Variants in DOCK2 observed in about 807,000 individuals in gnomAD.
The protein encoded by DOCK2 is dedicator of cytokinesis 2, also known as dedicator of cytokinesis protein 2.
In DOCK2, 87 loss-of-function variants were observed where a neutral mutation model predicts 248.9. That is an observed-to-expected ratio of 0.35 (90% confidence interval 0.29 to 0.42). The LOEUF (loss-of-function observed/expected upper bound fraction) is 0.42, where lower values mean the gene tolerates loss of function less well. Among genes scored for constraint, DOCK2 ranks in the 10% least tolerant of loss-of-function variants. DOCK2 has a pLI of 1.00. For synonymous variants in DOCK2, 805 were observed against 821.6 expected (o/e 0.98, Z 0.35); for missense variants, 1,747 against 2,300.2 (o/e 0.76, Z 4.92).
In DOCK2 at chr5:169,959,693, T is replaced by G. The variant is rs185761977; in HGVS notation, c.2800-23375T>G. 1.4e-3 allele frequency among the ~76,000 whole-genome samples: 206 copies of G among 152,344 alleles called. 2 individuals carry two copies. The highest frequency in any genetic ancestry group is 2.1e-4 in the Non-Finnish European group (14 of 68,028). ...TCCGTCCAGTTCTCAGGTCTCCAAC[T>G]GTGTGTTACTTGGCCTTGACTAGAT... On this transcript the variant is annotated intron_variant, in intron 27 of 51. Transcript: ENST00000520908.
intron 14 of DOCK2, among the ~76,000 whole-genome samples, chr5:169,704,759 ATG>A (rs56289708): frequency 0.035 from 4,917 of 139,874 alleles, 72 homozygotes; most frequent in African/African-American, 0.039. Context: ...CTCCATATAT[ATG>A]TGTGTGTGTG....
intron 27 of DOCK2, among the ~76,000 whole-genome samples, chr5:169,873,084 C>T (rs755178641): frequency 6.6e-6 from 1 of 152,154 alleles, no homozygotes; most frequent in Non-Finnish European, 1.5e-5. Flanking sequence ...ATATTCAACT[C>T]GTGTAATTTT....
At chr5:169,934,558 CACACCTGGATCT>C (rs1775899500) in intron 27 of DOCK2, 1 of 445,442 alleles carries the variant, frequency 2.2e-6, no homozygotes, top group Non-Finnish European at 4.5e-6. Context: ...TACATTCACA[CACACCTGGATCT>C]AAATCCTGCT....
intron 8 of DOCK2, among the ~76,000 whole-genome samples, chr5:169,686,238 A>G (rs1759972480): frequency 6.6e-6 from 1 of 152,212 alleles, no homozygotes; most frequent in African/African-American, 2.4e-5. Flanking sequence ...TATGGGGCCT[A>G]TGACACACAG....
chr5:169,805,440 C>A (rs1416915806), intron 26 of DOCK2, among the ~76,000 whole-genome samples: 4 of 152,152 alleles, frequency 2.6e-5, no homozygotes. Context: ...TGTTGAAAAG[C>A]CAATCCACAG....
chr5:169,906,487 TTA>T (rs2113603680), intron 27 of DOCK2, among the ~76,000 whole-genome samples: 1 of 151,814 alleles, frequency 6.6e-6, no homozygotes, highest in South Asian at 2.1e-4. Context: ...TTTTGTTACG[TTA>T]TGTTATGTTA....
Position 170,056,753 on chromosome 5 carries a change from A to G in DOCK2, c.4365A>G (p.Pro1455=), listed in dbSNP as rs1262717287. ...CCGTGCGCAGGGGGACCGTAGACCC[A>G]GAGAATGAGTTTGCTGTGAGTATCT... The part of the protein sequence containing the change: ...SRPVRRGTVD[P]ENEFASMWIE... Residue 1455 remains proline (P), a synonymous_variant, in exon 43 of 52, where the codon CCA becomes CCG. Transcript: ENST00000520908. The G allele has an allele frequency of 6.2e-7, 1 of 1,614,026 alleles. No individual in the cohort carries two copies. The highest frequency in any genetic ancestry group is 1.1e-5 in the South Asian group (1 of 91,052).
intron 27 of DOCK2, among the ~76,000 whole-genome samples, chr5:169,858,301 G>C (rs543916952): frequency 1.3e-5 from 2 of 152,284 alleles, no homozygotes; most frequent in Admixed American, 1.3e-4. Context: ...CTTGTGCCAG[G>C]CAAATGTCTA....
chr5:170,045,021 C>T (rs1378354959), intron 38 of DOCK2, among the ~76,000 whole-genome samples: 3 of 152,100 alleles, frequency 2.0e-5, no homozygotes, highest in Admixed American at 6.5e-5. Context: ...GAAGAATTAT[C>T]CACTATGTCT....
intron 1 of DOCK2, among the ~76,000 whole-genome samples, chr5:169,640,581 T>G (rs2113077597): frequency 6.6e-6 from 1 of 152,340 alleles, no homozygotes; most frequent in Middle Eastern, 3.4e-3. Context: ...AATAAAGGTT[T>G]AGAGAAGTAG....
At chr5:170,051,623 A>C (rs531325871) in intron 41 of DOCK2, among the ~76,000 whole-genome samples, 12 of 152,238 alleles carry the variant, frequency 7.9e-5, no homozygotes, top group Admixed American at 2.0e-4. Flanking sequence ...TCAATTTGCC[A>C]TTATCTCTGG....
chr5:169,879,406 C>T (rs558739151), intron 27 of DOCK2, among the ~76,000 whole-genome samples: 1 of 152,292 alleles, frequency 6.6e-6, no homozygotes, highest in East Asian at 1.9e-4. Context: ...ACTGTTACTA[C>T]GATGGGGCTG....
intron 26 of DOCK2, among the ~76,000 whole-genome samples, chr5:169,826,777 A>T (rs688881): frequency 6.6e-6 from 1 of 151,920 alleles, no homozygotes; most frequent in African/African-American, 2.4e-5. Flanking sequence ...ACTATGTTGC[A>T]TGTTTCTCCC....
chr5:169,838,274 C>T (rs1016256939), intron 26 of DOCK2, among the ~76,000 whole-genome samples: 1 of 152,174 alleles, frequency 6.6e-6, no homozygotes, highest in Non-Finnish European at 1.5e-5. Flanking sequence ...GGAGAATACT[C>T]TGGAGACAGG....
chr5:169,944,923 C>T (rs1459994947), intron 27 of DOCK2, among the ~76,000 whole-genome samples: 1 of 152,208 alleles, frequency 6.6e-6, no homozygotes, highest in African/African-American at 2.4e-5. Context: ...TTGTCTGCTA[C>T]ATGTTCTAAC....
chr5:169,878,760 G>T (rs1772468679), intron 27 of DOCK2, among the ~76,000 whole-genome samples: 1 of 152,210 alleles, frequency 6.6e-6, no homozygotes, highest in Non-Finnish European at 1.5e-5. Flanking sequence ...ATGCTAAGGA[G>T]AAGTGAAGGG....
chr5:170,023,696 C>T (rs2113826465), intron 33 of DOCK2, among the ~76,000 whole-genome samples: 1 of 152,278 alleles, frequency 6.6e-6, no homozygotes, highest in African/African-American at 2.4e-5. Context: ...AGGTTCCTCC[C>T]AACTCTACTT....
chr5:169,979,156 C>T (rs1025188293), intron 27 of DOCK2, among the ~76,000 whole-genome samples: 3 of 152,250 alleles, frequency 2.0e-5, no homozygotes, highest in South Asian at 4.1e-4. Context: ...TCCCTCCACC[C>T]CTCTGTTCCC....
chr5:169,785,679 G>A (rs923284113), intron 25 of DOCK2, among the ~76,000 whole-genome samples: 2 of 152,122 alleles, frequency 1.3e-5, no homozygotes, highest in African/African-American at 4.8e-5. Flanking sequence ...TTTCTTCTTA[G>A]CTATGATTTA....
Sources: gnomAD v4.1 joint callset for allele counts (sites outside exome capture counted in the v4.1 genomes callset) on GRCh38, gnomAD v4.1.1 for gene constraint, MANE v1.5 for transcripts, NCBI Gene and HGNC (gene_info 2026-07-23, HGNC 2026-07-21) for gene names.